Variants in F9 observed in about 807,000 individuals in gnomAD.
F9 encodes coagulation factor IX.
A neutral mutation model predicts 34.1 loss-of-function variants in F9; 2 were observed. The observed-to-expected ratio is 0.06, with a 90% CI of 0.02 to 0.18. F9 has a LOEUF of 0.18. Among genes scored for constraint, F9 ranks in the 10% least tolerant of loss-of-function variants. F9 has a pLI of 1.00. For missense variants in F9, 216 were observed against 345.1 expected (o/e 0.63, Z 2.96); for synonymous variants, 137 against 118.8 (o/e 1.15, Z -1.00).
intron 6 of F9, among the ~76,000 whole-genome samples, chrX:139,552,231 T>C (rs1455500939): frequency 9.0e-6 from 1 of 111,304 alleles, no homozygotes; most frequent in Non-Finnish European, 1.9e-5. Context: ...CCAAAGGAAA[T>C]GAACTTGTTA....
chrX:139,534,412 T>C lies in F9; in HGVS notation c.89-2598T>C, dbSNP rs769519629. On this transcript the variant is annotated intron_variant, in intron 1 of 7. Coordinates refer to ENST00000218099, the MANE Select transcript of F9 (RefSeq NM_000133.4). ...TTGATTCAAACCTATTTCTGTCTGA[T>C]CTGATTCTAAAGTCTGTTTTTTCAC... is the stretch of plus-strand genomic sequence containing the variant. Among the ~76,000 whole-genome samples the C allele has an allele frequency of 3.6e-5, 4 of 112,154 alleles. No homozygotes were observed. The South Asian group carries it at 1.5e-3, about 42-fold the overall frequency.
intron 5 of F9, among the ~76,000 whole-genome samples, chrX:139,548,865 C>T (rs1009198185): frequency 5.4e-5 from 6 of 111,733 alleles, no homozygotes; most frequent in African/African-American, 1.3e-4. Flanking sequence ...AGTATAAGGA[C>T]GGTAAGTTTG....
chrX:139,558,745 C>G (rs965904512), intron 6 of F9, among the ~76,000 whole-genome samples: 4 of 112,100 alleles, frequency 3.6e-5, no homozygotes, highest in Non-Finnish European at 5.6e-5. Context: ...AATTCTGATT[C>G]AGTAGATATA....
chrX:139,545,851 T>C (rs1331409558), intron 4 of F9, among the ~76,000 whole-genome samples: 1 of 111,364 alleles, frequency 9.0e-6, no homozygotes, highest in East Asian at 2.8e-4. Context: ...TTATGTTTGA[T>C]ATGTAACCAC....
chrX:139,543,639 G>A (rs1927653709), intron 4 of F9, among the ~76,000 whole-genome samples: 2 of 112,179 alleles, frequency 1.8e-5, no homozygotes, highest in East Asian at 5.6e-4. Context: ...CACACAAGTG[G>A]ATATATCAGG....
chrX:139,551,279 T>C lies in F9; in HGVS notation c.723+15T>C, dbSNP rs368102494. ...TCCCTTGGCAGGTACTTTATACTGATGGTGTGTCAAAACTGGAGCTCAGCT... is the reference window on the plus strand; with the variant it reads ...TCCCTTGGCAGGTACTTTATACTGACGGTGTGTCAAAACTGGAGCTCAGCT... On this transcript the variant is annotated intron_variant, in intron 6 of 7. Transcript: ENST00000218099. 1.7e-6 allele frequency: 2 copies of C among 1,191,655 alleles called. No homozygotes were observed. Among genetic ancestry groups the C allele is most frequent in the African/African-American group, 3.5e-5 (2 of 56,731 alleles).
intron 4 of F9, among the ~76,000 whole-genome samples, chrX:139,548,148 A>G (rs1212958904): frequency 8.9e-6 from 1 of 111,791 alleles, no homozygotes; most frequent in Non-Finnish European, 1.9e-5. Context: ...AATCAATTAT[A>G]GTGCTACCAT....
chrX:139,533,417 G>A (rs1461413317), intron 1 of F9, among the ~76,000 whole-genome samples: 1 of 112,351 alleles, frequency 8.9e-6, no homozygotes, highest in Non-Finnish European at 1.9e-5. Context: ...GATGAAGTGA[G>A]ATAATGGATG....
intron 6 of F9, among the ~76,000 whole-genome samples, chrX:139,555,473 G>T (rs1411993719): frequency 8.8e-6 from 1 of 113,090 alleles, no homozygotes; most frequent in African/African-American, 3.2e-5. Flanking sequence ...TATGGTTCCG[G>T]AACGGCGCTG....
At chrX:139,545,697 C>A (rs1252449748) in intron 4 of F9, among the ~76,000 whole-genome samples, 1 of 111,170 alleles carries the variant, frequency 9.0e-6, no homozygotes, top group Non-Finnish European at 1.9e-5. Flanking sequence ...AGAGGAAAAT[C>A]ATTTCAAAAG....
intron 6 of F9, among the ~76,000 whole-genome samples, chrX:139,553,097 T>A (rs1433841667): frequency 8.9e-6 from 1 of 112,147 alleles, no homozygotes; most frequent in Non-Finnish European, 1.9e-5. Context: ...AGGTTTTCCC[T>A]TTCTTTTACC....
chrX:139,535,515 G>A (rs1456887180), intron 1 of F9, among the ~76,000 whole-genome samples: 1 of 111,620 alleles, frequency 9.0e-6, no homozygotes, highest in Non-Finnish European at 1.9e-5. Flanking sequence ...AGAAAGTTTA[G>A]TTCATCTCCG....
chrX:139,554,496 T>C (rs1207912917), intron 6 of F9, among the ~76,000 whole-genome samples: 1 of 112,564 alleles, frequency 8.9e-6, no homozygotes, highest in Non-Finnish European at 1.9e-5. Context: ...TTTTCAAAAA[T>C]ATGAGATAAA....
intron 4 of F9, among the ~76,000 whole-genome samples, chrX:139,546,635 T>G (rs188766710): frequency 1.7e-4 from 19 of 111,783 alleles, no homozygotes; most frequent in African/African-American, 6.2e-4. Flanking sequence ...TATAGAAAGA[T>G]TACTGGATAC....
chrX:139,558,384 G>A (rs938805787), intron 6 of F9, among the ~76,000 whole-genome samples: 12 of 113,523 alleles, frequency 1.1e-4, no homozygotes, highest in Non-Finnish European at 1.7e-4. Context: ...CCCTGCTGGG[G>A]CCCAGTGTCC....
intron 7 of F9, among the ~76,000 whole-genome samples, chrX:139,561,148 GTGC>G (rs1928092541): frequency 9.0e-6 from 1 of 111,394 alleles, no homozygotes; most frequent in African/African-American, 3.3e-5. Flanking sequence ...TTTATCTCTG[GTGC>G]TTGGCACAAC....
intron 5 of F9, among the ~76,000 whole-genome samples, chrX:139,550,681 G>T (rs777756106): frequency 1.8e-5 from 2 of 111,638 alleles, no homozygotes; most frequent in African/African-American, 6.5e-5. Context: ...GAAAGTTAAA[G>T]TTACAAAGCA....
chrX:139,561,839 C>A lies in F9; in HGVS notation c.1154C>A (p.Ser385Tyr), dbSNP rs377350610. 1 of 1,211,785 alleles carries A rather than the reference C, an allele frequency of 8.3e-7. No homozygotes were observed. The highest frequency in any genetic ancestry group is 2.2e-5 in the Admixed American group (1 of 46,032). Residue 385 changes from serine to tyrosine, a missense_variant, in exon 8 of 8, where the codon TCT becomes TAT. Ser to Tyr is a moderately radical substitution (Grantham distance 144, BLOSUM62 -2). Coordinates refer to ENST00000218099, the MANE Select transcript of F9 (RefSeq NM_000133.4). The part of the protein sequence containing the change: ...PLVDRATCLR[S>Y]TKFTIYNNMF... ...GTTGACCGAGCCACATGTCTTCGATCTACAAAGTTCACCATCTATAACAAC... is the reference window on the plus strand; with the variant it reads ...GTTGACCGAGCCACATGTCTTCGATATACAAAGTTCACCATCTATAACAAC...
chrX:139,558,692 C>T (rs773982780), intron 6 of F9, among the ~76,000 whole-genome samples: 7 of 111,965 alleles, frequency 6.3e-5, no homozygotes, highest in Admixed American at 9.4e-5. Flanking sequence ...CATTCCTGCC[C>T]GGAGTGAGGA....
Sources: allele counts gnomAD v4.1 joint callset (sites outside exome capture counted in the v4.1 genomes callset), GRCh38; gene constraint gnomAD v4.1.1; transcripts MANE v1.5; gene names NCBI Gene and HGNC (gene_info 2026-07-23, HGNC 2026-07-21).